Variants in DPF3 observed in about 807,000 individuals in gnomAD.
DPF3 encodes zinc finger protein DPF3.
DPF3 carries 18 observed loss-of-function variants against 56.8 expected under a neutral mutation model. The observed-to-expected ratio is 0.32, with a 90% CI of 0.22 to 0.47. The LOEUF (loss-of-function observed/expected upper bound fraction) is 0.47. Among genes scored for constraint, DPF3 ranks in the 20% least tolerant of loss-of-function variants. DPF3 has a pLI of 1.00. For missense variants in DPF3, 403 were observed against 488.8 expected (o/e 0.82, Z 1.65); for synonymous variants, 188 against 180.2 (o/e 1.04, Z -0.35).
At chr14:72,879,391 A>G (rs78804288) in intron 1 of DPF3, among the ~76,000 whole-genome samples, 14 of 151,802 alleles carry the variant, frequency 9.2e-5, no homozygotes, top group South Asian at 2.1e-4. Context: ...AAAAAAAAAA[A>G]AAAAGAAAAG....
chr14:72,853,708 G>T (rs984026029), intron 1 of DPF3, among the ~76,000 whole-genome samples: 2 of 151,946 alleles, frequency 1.3e-5, no homozygotes, highest in African/African-American at 2.4e-5. Flanking sequence ...CTTGTGATCT[G>T]CCTGCCTTAG....
At chr14:72,799,816 G>A (rs143649756) in intron 1 of DPF3, among the ~76,000 whole-genome samples, 12 of 152,232 alleles carry the variant, frequency 7.9e-5, no homozygotes, top group African/African-American at 2.6e-4. Flanking sequence ...ATATATACCT[G>A]AAGCAGCTGG....
At chr14:72,783,742 T>C (rs1206130666) in intron 1 of DPF3, among the ~76,000 whole-genome samples, 1 of 152,336 alleles carries the variant, frequency 6.6e-6, no homozygotes, top group South Asian at 2.1e-4. Flanking sequence ...CACCGGAAAC[T>C]AGCAGTGCCA....
At chr14:72,880,783 C>A (rs933536332) in intron 1 of DPF3, among the ~76,000 whole-genome samples, 2 of 152,158 alleles carry the variant, frequency 1.3e-5, no homozygotes, top group African/African-American at 4.8e-5. Context: ...GCTCAAGCGA[C>A]CTGCCCACCT....
At chr14:72,726,836 T>C (rs1889426977) in intron 4 of DPF3, among the ~76,000 whole-genome samples, 3 of 151,752 alleles carry the variant, frequency 2.0e-5, no homozygotes, top group Non-Finnish European at 4.4e-5. Flanking sequence ...CAGCGGTTTG[T>C]GGTTGTGTTT....
intron 10 of DPF3, 86 bp downstream of exon 10, chr14:72,619,817 A>C: frequency 4.0e-6 from 5 of 1,236,214 alleles, no homozygotes; most frequent in Non-Finnish European, 5.4e-6. Context: ...CCATTAGCAT[A>C]AGGCCTGTAC....
chr14:72,893,619 C>T (rs71426964), intron 1 of DPF3, among the ~76,000 whole-genome samples: 54,204 of 151,410 alleles, frequency 0.36, 11,876 homozygotes, highest in Non-Finnish European at 0.49. Flanking sequence ...GGCTCGGGGG[C>T]GCGGGGCTCG....
At chr14:72,626,050 C>A (rs1456593391) in intron 9 of DPF3, among the ~76,000 whole-genome samples, 1 of 152,172 alleles carries the variant, frequency 6.6e-6, no homozygotes, top group Non-Finnish European at 1.5e-5. Flanking sequence ...TTAGGTTATT[C>A]TTTTCTTCCT....
At chr14:72,735,340 T>C (rs2098480472) in intron 3 of DPF3, among the ~76,000 whole-genome samples, 1 of 152,150 alleles carries the variant, frequency 6.6e-6, no homozygotes, top group Non-Finnish European at 1.5e-5. Context: ...CTATAGAATG[T>C]TCCATCAATA....
At chr14:72,863,058 T>TTATATATATATATATATATATATA (rs58405648) in intron 1 of DPF3, among the ~76,000 whole-genome samples, 4 of 139,938 alleles carry the variant, frequency 2.9e-5, no homozygotes, top group South Asian at 2.4e-4. Context: ...ATTATTCCAT[T>TTATATATATATATATATATATATA]TATATATATA....
chr14:72,876,674 C>T (rs953360086), intron 1 of DPF3, among the ~76,000 whole-genome samples: 1 of 152,190 alleles, frequency 6.6e-6, no homozygotes, highest in African/African-American at 2.4e-5. Flanking sequence ...TTGTTCACTT[C>T]CCTTTGGTGA....
intron 8 of DPF3, among the ~76,000 whole-genome samples, chr14:72,671,784 T>A (rs1441433562): frequency 6.6e-6 from 1 of 152,244 alleles, no homozygotes; most frequent in African/African-American, 2.4e-5. Flanking sequence ...ACAAAGGTAT[T>A]ACTGTCAGAT....
chr14:72,748,921 G>A (rs1215787139), intron 3 of DPF3, among the ~76,000 whole-genome samples: 1 of 152,236 alleles, frequency 6.6e-6, no homozygotes, highest in African/African-American at 2.4e-5. Context: ...TTCTGTAGGG[G>A]TGAGGTCCTC....
chr14:72,773,626 G>A (rs1489672831), intron 1 of DPF3, among the ~76,000 whole-genome samples: 2 of 152,134 alleles, frequency 1.3e-5, no homozygotes, highest in South Asian at 2.1e-4. Flanking sequence ...TCCCCGTTCC[G>A]CCTCTGCCCC....
intron 1 of DPF3, among the ~76,000 whole-genome samples, chr14:72,804,221 A>G (rs906441531): frequency 6.6e-6 from 1 of 150,694 alleles, no homozygotes; most frequent in African/African-American, 2.5e-5. Context: ...ACACACACAC[A>G]CACGCAGACA....
chr14:72,705,947 AAG>A (rs1555498606), intron 6 of DPF3, among the ~76,000 whole-genome samples: 1 of 151,540 alleles, frequency 6.6e-6, no homozygotes, highest in Non-Finnish European at 1.5e-5. Context: ...GAGAAAAAAA[AAG>A]AGAGAGAGAG....
rs1889288642 is a variant in DPF3, at chr14:72,723,934, C to A, written c.430-206G>T. The A allele has an allele frequency of 1.2e-5, 6 of 502,862 alleles. No individual in the cohort carries two copies. In the East Asian group the frequency reaches 2.2e-4, roughly 18 times the overall value. The allele number at this position is 502,862 out of a possible 1,614,324, so 31.2% of individuals were successfully genotyped here. A position where few individuals can be genotyped will look rare whatever the true frequency, so the allele number is the denominator to read the frequency against. On this transcript the variant is annotated intron_variant, in intron 4 of 10. Coordinates refer to ENST00000556509, the MANE Select transcript of DPF3 (RefSeq NM_001280542.3). ...CGAGGCTCTCCTAAGCCCTTGGGCCCCTTCCAGACAAGTCCTCCCAGAACA... is the reference window on the plus strand; with the variant it reads ...CGAGGCTCTCCTAAGCCCTTGGGCCACTTCCAGACAAGTCCTCCCAGAACA...
At chr14:72,645,748 C>T (rs1885704701) in intron 8 of DPF3, among the ~76,000 whole-genome samples, 1 of 152,046 alleles carries the variant, frequency 6.6e-6, no homozygotes, top group Non-Finnish European at 1.5e-5. Flanking sequence ...CCCACCATAC[C>T]ACAGAAAAGT....
intron 8 of DPF3, among the ~76,000 whole-genome samples, chr14:72,642,768 C>G (rs1214985347): frequency 6.6e-6 from 1 of 152,160 alleles, no homozygotes; most frequent in Non-Finnish European, 1.5e-5. Context: ...CTCCAACAAG[C>G]CTCCCCTTTA....
Sources: allele counts gnomAD v4.1 joint callset (sites outside exome capture counted in the v4.1 genomes callset), GRCh38; gene constraint gnomAD v4.1.1; transcripts MANE v1.5; gene names NCBI Gene and HGNC (gene_info 2026-07-23, HGNC 2026-07-21).